PLXNA1: variants seen among roughly 807,000 people sequenced by gnomAD.
The protein encoded by PLXNA1 is plexin-A1.
A neutral mutation model predicts 191.7 loss-of-function variants in PLXNA1; 77 were observed. That is an observed-to-expected ratio of 0.40 (90% CI 0.33 to 0.49). The LOEUF is 0.49. Among genes scored for constraint, PLXNA1 ranks in the 20% least tolerant of loss-of-function variants. The pLI is 0.63. For missense variants in PLXNA1, 2,110 were observed against 2,660.2 expected (o/e 0.79, Z 4.55); for synonymous variants, 1,137 against 1,156.4 (o/e 0.98, Z 0.34).
At chr3:127,005,321 C>T in intron 7 of PLXNA1, 78 bp downstream of exon 7, 1 of 1,482,282 alleles carries the variant, frequency 6.7e-7, no homozygotes, top group Non-Finnish European at 9.0e-7. Flanking sequence ...TGTTTAGCGC[C>T]TCCCTTGTTC....
chr3:127,022,715 G>T, intron 22 of PLXNA1, 37 bp from the exon 23 acceptor site: 1 of 1,595,306 alleles, frequency 6.3e-7, no homozygotes, highest in South Asian at 1.1e-5. Context: ...TGGACAGCTG[G>T]AATGACACCA....
At chr3:127,013,998 T>C (rs751229524) in intron 10 of PLXNA1, 22 bp from the exon 11 acceptor site, 1 of 1,608,144 alleles carries the variant, frequency 6.2e-7, no homozygotes, top group Non-Finnish European at 8.5e-7. Flanking sequence ...CTGGGAAGCC[T>C]GACGGTGCCA....
Position 126,989,316 on chromosome 3 carries a change from C to T in PLXNA1, c.723C>T (p.Ala241=), listed in dbSNP as rs775397055. The T allele has an allele frequency of 3.1e-6, 5 of 1,613,558 alleles. No individual in the cohort carries two copies. In the East Asian group the frequency reaches 8.9e-5, roughly 29 times the overall value. Residue 241 remains alanine, a synonymous_variant, in exon 2 of 32, where the codon GCC becomes GCT. Transcript: ENST00000393409. ...CGGACACGCTGTCCAAGTTCCCGGC[C>T]TTTGACATCTACTATGTGTACAGCT... ...IPSDTLSKFP[A]FDIYYVYSFR... is the part of the protein sequence containing the mutation.
In PLXNA1 at chr3:127,017,523, G is replaced by C. The variant is rs751624740; in HGVS notation, c.3375G>C (p.Glu1125Asp). The part of the protein sequence containing the change: ...SPPELGERPD[E>D]LGFVMDNVRS... ...CAGAGCTGGGGGAGCGGCCGGATGA[G>C]CTGGGCTTCGTCATGGACAACGTGC... is the stretch of plus-strand genomic sequence containing the variant. The change falls in exon 18 of 32, where the codon GAG (glutamate) becomes GAC (aspartate). Residue 1125 changes from glutamate to aspartate, a missense_variant. This residue lies in a region of PLXNA1 where 644 missense variants were observed against 714.3 expected (regional missense o/e 0.90). Coordinates refer to ENST00000393409, the MANE Select transcript of PLXNA1 (RefSeq NM_032242.4). The C allele has an allele frequency of 6.2e-7, 1 of 1,613,630 alleles. No homozygotes were observed. Among genetic ancestry groups the C allele is most frequent in the Non-Finnish European group, 8.5e-7 (1 of 1,180,004 alleles).
chr3:126,989,679 C>G lies in PLXNA1; in HGVS notation c.1086C>G (p.Leu362=). The change falls in exon 2 of 32, where the codon CTC becomes CTG. Residue 362 remains leucine, a synonymous_variant. Transcript: ENST00000393409. ...PKESALCLFT[L]RAIKEKIKER... ...AGTCAGCACTGTGCCTGTTCACGCT[C>G]AGGGCCATCAAGGAGAAGATTAAGG... is the stretch of plus-strand genomic sequence containing the variant. 6.2e-7 allele frequency: 1 copy of G among 1,613,124 alleles called. No individual in the cohort carries two copies. Among genetic ancestry groups the G allele is most frequent in the East Asian group, 2.2e-5 (1 of 44,870 alleles).
rs1413700709 is a variant in PLXNA1 at position 127,005,255 on chromosome 3, C to G, written c.1897+12C>G. 1.3e-6 allele frequency: 2 copies of G among 1,598,240 alleles called. No homozygotes were observed. Among genetic ancestry groups the G allele is most frequent in the Non-Finnish European group, 1.7e-6 (2 of 1,173,186 alleles). ...CACGCGGGGCCAGGGTGAGTGGCCC[C>G]AACACAATGGTGCCCGCTGCCTGGC... On this transcript the variant is annotated intron_variant, in intron 7 of 31. Transcript: ENST00000393409.
chr3:127,003,717 G>A (rs2079052403), intron 4 of PLXNA1, among the ~76,000 whole-genome samples: 1 of 152,244 alleles, frequency 6.6e-6, no homozygotes, highest in Non-Finnish European at 1.5e-5. Flanking sequence ...GTTCTCCTGG[G>A]CTGGGTTTGG....
intron 21 of PLXNA1, 23 bp from the exon 22 acceptor site, chr3:127,022,062 C>A: frequency 6.2e-7 from 1 of 1,604,818 alleles, no homozygotes; most frequent in Non-Finnish European, 8.5e-7. Flanking sequence ...TCTCTGTGGT[C>A]TGAGCTCTGT....
Position 127,005,072 on chromosome 3 carries a change from C to T in PLXNA1, c.1744-18C>T, listed in dbSNP as rs774854361. The T allele has an allele frequency of 3.1e-6, 5 of 1,611,824 alleles. No homozygotes were observed. The highest frequency in any genetic ancestry group is 1.1e-5 in the South Asian group (1 of 91,018). On this transcript the variant is annotated intron_variant, in intron 6 of 31. Transcript: ENST00000393409. Reference sequence around the variant, plus strand: ...GCCATGGGGACCCTGCTCACCATGCCTCCTGCTGCCTGCCCAGCTTGTGCT... The same window carrying T: ...GCCATGGGGACCCTGCTCACCATGCTTCCTGCTGCCTGCCCAGCTTGTGCT...
intron 1 of PLXNA1, among the ~76,000 whole-genome samples, chr3:126,988,124 G>A (rs986544890): frequency 6.6e-6 from 1 of 152,162 alleles, no homozygotes; most frequent in Non-Finnish European, 1.5e-5. Context: ...AGAGCTGTGG[G>A]GAGGGTCCTG....
intron 26 of PLXNA1, 58 bp downstream of exon 26, chr3:127,029,154 C>A: frequency 7.5e-7 from 1 of 1,331,100 alleles, no homozygotes; most frequent in Non-Finnish European, 1.1e-6. Flanking sequence ...GCTTCCACAG[C>A]GCAGCCACCA....
Position 127,030,255 on chromosome 3 carries a change from A to C in PLXNA1, c.5074A>C (p.Lys1692Gln). 6.2e-7 allele frequency: 1 copy of C among 1,613,666 alleles called. No homozygotes were observed. The highest frequency in any genetic ancestry group is 8.5e-7 in the Non-Finnish European group (1 of 1,179,954). The change falls in exon 29 of 32, where the codon AAG (lysine) becomes CAG (glutamine). Residue 1692 changes from lysine (K) to glutamine (Q), a missense_variant. By Grantham distance (53) the Lys-to-Gln change is moderately conservative. Transcript: ENST00000393409. ...CTGCCCCCCGCAGGGCACACTGCAG[A>C]AGTTTGTGGACGACCTGTTTGAGAC... is the stretch of plus-strand genomic sequence containing the variant. ...RLLATKGTLQ[K>Q]FVDDLFETIF... is the part of the protein sequence containing the mutation.
Position 126,989,778 on chromosome 3 carries a change from C to T in PLXNA1, c.1185C>T (p.Cys395=), listed in dbSNP as rs1396913925. 19 of 1,604,174 alleles carry T rather than the reference C, an allele frequency of 1.2e-5. No homozygotes were observed. The highest frequency in any genetic ancestry group is 3.4e-5 in the Admixed American group (2 of 59,444). Residue 395 remains cysteine, a synonymous_variant, in exon 2 of 32, where the codon TGC becomes TGT. Coordinates refer to ENST00000393409, the MANE Select transcript of PLXNA1 (RefSeq NM_032242.4). ...LPWLLNKELG[C]INSPLQIDDD... ...GGCTGCTCAACAAGGAGCTGGGCTG[C>T]ATCAACTCGGTGAGTTGGGCAGGGG...
At chr3:127,026,060 C>T (rs771760172) in intron 23 of PLXNA1, among the ~76,000 whole-genome samples, 4 of 152,212 alleles carry the variant, frequency 2.6e-5, no homozygotes, top group Non-Finnish European at 5.9e-5. Context: ...AAAAGTGGCA[C>T]TTTTTGTTGG....
chr3:127,004,844 A>G, intron 5 of PLXNA1, 41 bp from the exon 6 acceptor site: 1 of 1,565,636 alleles, frequency 6.4e-7, no homozygotes, highest in South Asian at 1.2e-5. Flanking sequence ...CGGGCCCCGT[A>G]GGTCTCCCCA....
At chr3:127,030,979 G>C (rs2107638872) in intron 29 of PLXNA1, among the ~76,000 whole-genome samples, 1 of 152,302 alleles carries the variant, frequency 6.6e-6, no homozygotes, top group South Asian at 2.1e-4. Flanking sequence ...GGCTCTATGA[G>C]GCTGGGTTTT....
intron 3 of PLXNA1, among the ~76,000 whole-genome samples, chr3:126,992,267 G>T (rs2078994495): frequency 1.3e-5 from 2 of 152,126 alleles, no homozygotes; most frequent in African/African-American, 2.4e-5. Context: ...TGGGCACCAG[G>T]CTGGCCTGGT....
intron 1 of PLXNA1, among the ~76,000 whole-genome samples, chr3:126,985,290 G>C (rs1433100220): frequency 6.6e-6 from 1 of 152,066 alleles, no homozygotes; most frequent in African/African-American, 2.4e-5. Flanking sequence ...TGGGGCTCCT[G>C]CACGCAGACC....
At chr3:127,029,650 C>A in intron 27 of PLXNA1, 114 bp downstream of exon 27, 1 of 1,214,474 alleles carries the variant, frequency 8.2e-7, no homozygotes, top group Non-Finnish European at 1.2e-6. Context: ...GGGCAGGTGT[C>A]AAGCCTGTCA....
Sources: gnomAD v4.1 joint callset for allele counts (sites outside exome capture counted in the v4.1 genomes callset) on GRCh38, gnomAD v4.1.1 for gene constraint, gnomAD v4.1.1 regional missense constraint, MANE v1.5 for transcripts, NCBI Gene and HGNC (gene_info 2026-07-23, HGNC 2026-07-21) for gene names.